The following NCOR1 variants were observed in gnomAD, a reference collection of about 807,000 sequenced individuals.
NCOR1 encodes the protein protein phosphatase 1, regulatory subunit 109.
Under a neutral mutation model 288.1 loss-of-function variants are expected in NCOR1, and 63 were observed. The ratio of observed to expected loss-of-function variants is 0.22; its 90% confidence interval spans 0.18 to 0.27. NCOR1 has a LOEUF of 0.27. Among genes scored for constraint, NCOR1 ranks in the 10% least tolerant of loss-of-function variants. The pLI, the probability that NCOR1 is intolerant of heterozygous loss-of-function variation, is 1.00. For synonymous variants in NCOR1, 1,007 were observed against 1,065.9 expected, an observed-to-expected ratio of 0.94 and a Z score of 1.08; for missense variants, 2,397 against 3,019.2, an observed-to-expected ratio of 0.79 and a Z score of 4.83.
chr17:16,064,928 A>C lies in NCOR1; in HGVS notation c.5043T>G (p.Ile1681Met). The C allele has an allele frequency of 6.2e-7, 1 of 1,613,996 alleles. No homozygotes were observed. Among genetic ancestry groups the C allele is most frequent in the Non-Finnish European group, 8.5e-7 (1 of 1,179,892 alleles). ...STPPMDRITY[I>M]PGTQITFPPR... ...GAGGGAAAGTAATCTGTGTACCAGG[A>C]ATATAAGTGATTCTGTCCATGGGAG... is the stretch of plus-strand genomic sequence containing the variant. The change falls in exon 34 of 46, where the codon ATT (isoleucine) becomes ATG (methionine). Residue 1681 changes from isoleucine to methionine, a missense_variant. Coordinates refer to ENST00000268712, the MANE Select transcript of NCOR1 (RefSeq NM_006311.4).
At chr17:16,079,080 G>C (rs2062980780) in intron 26 of NCOR1, among the ~76,000 whole-genome samples, 1 of 152,098 alleles carries the variant, frequency 6.6e-6, no homozygotes, top group Non-Finnish European at 1.5e-5. Context: ...CAATGCTCTG[G>C]TGCACAAACC....
At chr17:16,091,027 C>G (rs2094517757) in intron 22 of NCOR1, among the ~76,000 whole-genome samples, 1 of 152,108 alleles carries the variant, frequency 6.6e-6, no homozygotes, top group African/African-American at 2.4e-5. Flanking sequence ...TTCTTCTAAC[C>G]ATGTCAGAAG....
intron 42 of NCOR1, among the ~76,000 whole-genome samples, chr17:16,042,986 G>C (rs1278389585): frequency 6.6e-6 from 1 of 152,108 alleles, no homozygotes; most frequent in Admixed American, 6.6e-5. Flanking sequence ...TGAGGAGAAA[G>C]GGGCTAAGAA....
chr17:16,073,767 G>C (rs1303185103), intron 27 of NCOR1, among the ~76,000 whole-genome samples, 198 bp from the exon 28 acceptor site: 1 of 152,162 alleles, frequency 6.6e-6, no homozygotes, highest in Non-Finnish European at 1.5e-5. Flanking sequence ...CTGTGTGCTA[G>C]GCATAAGCTA....
intron 36 of NCOR1, 96 bp downstream of exon 36, chr17:16,062,009 C>A: frequency 6.3e-7 from 1 of 1,575,306 alleles, no homozygotes; most frequent in Non-Finnish European, 8.6e-7. Flanking sequence ...ATGGCATGGG[C>A]AGAAAAGCAT....
chr17:16,131,140 C>T (rs554035164), intron 14 of NCOR1, among the ~76,000 whole-genome samples: 12 of 151,832 alleles, frequency 7.9e-5, no homozygotes, highest in South Asian at 2.1e-4. Context: ...CTACAGTGCA[C>T]GCCACTGTGC....
chr17:16,087,471 G>T, intron 22 of NCOR1: 1 of 403,906 alleles, frequency 2.5e-6, no homozygotes, highest in Non-Finnish European at 4.1e-6. Context: ...AACTCCTGGG[G>T]GCAAAATTCA....
At chr17:16,162,188 A>G (rs1218829329) in intron 5 of NCOR1, among the ~76,000 whole-genome samples, 1 of 152,124 alleles carries the variant, frequency 6.6e-6, no homozygotes, top group East Asian at 1.9e-4. Flanking sequence ...GACAGATTTG[A>G]CAGCAGATTA....
chr17:16,062,335 A>G, intron 35 of NCOR1, 65 bp from the exon 36 acceptor site: 3 of 1,448,574 alleles, frequency 2.1e-6, no homozygotes, highest in African/African-American at 2.9e-5. Flanking sequence ...AAAGGAAGCA[A>G]TGCTTATGGA....
intron 11 of NCOR1, among the ~76,000 whole-genome samples, chr17:16,142,316 A>G (rs1008755680): frequency 1.3e-5 from 2 of 152,226 alleles, no homozygotes; most frequent in Non-Finnish European, 2.9e-5. Flanking sequence ...TATTAACTGT[A>G]TATTTAAGTC....
chr17:16,137,484 C>T lies in NCOR1; in HGVS notation c.1408-72G>A, dbSNP rs553515505. On this transcript the variant is annotated intron_variant, in intron 13 of 45. Transcript: ENST00000268712. ...AAATTTTTTAATTAAATATTACTTC[C>T]AAGGAAAATCTCTGGTATTCTGAAA... 10 of 752,036 alleles carry T rather than the reference C, an allele frequency of 1.3e-5. No individual in the cohort carries two copies. In the East Asian group the frequency reaches 2.4e-4, roughly 18 times the overall value. The allele number at this position is 752,036 out of a possible 1,614,324, so 46.6% of individuals were successfully genotyped here. A position where few individuals can be genotyped will look rare whatever the true frequency, so the allele number is the denominator to read the frequency against.
intron 19 of NCOR1, among the ~76,000 whole-genome samples, chr17:16,107,693 GACA>G (rs2069073644): frequency 6.6e-6 from 1 of 152,086 alleles, no homozygotes; most frequent in Admixed American, 6.6e-5. Flanking sequence ...AAGAGACTCT[GACA>G]ACCTCTCTAG....
chr17:16,128,231 A>G (rs920042969), intron 14 of NCOR1, among the ~76,000 whole-genome samples: 1 of 152,174 alleles, frequency 6.6e-6, no homozygotes, highest in Admixed American at 6.5e-5. Context: ...TCACCTAAAC[A>G]TGCCCAGCAC....
chr17:16,159,413 C>CAAAAAAAAAA (rs35243097), intron 5 of NCOR1, among the ~76,000 whole-genome samples: 2 of 66,328 alleles, frequency 3.0e-5, no homozygotes, highest in South Asian at 6.0e-4. Flanking sequence ...AACTCTATCT[C>CAAAAAAAAAA]AAAAAAAAAA....
intron 9 of NCOR1, among the ~76,000 whole-genome samples, chr17:16,146,974 C>T (rs775698098): frequency 1.1e-4 from 17 of 152,088 alleles, no homozygotes; most frequent in Non-Finnish European, 2.5e-4. Flanking sequence ...TTCCAATCTG[C>T]GAAACAAAAC....
At chr17:16,078,484 GAAT>G (rs1166801735) in intron 26 of NCOR1, among the ~76,000 whole-genome samples, 1 of 152,102 alleles carries the variant, frequency 6.6e-6, no homozygotes, top group South Asian at 2.1e-4. Context: ...TGAAGAGAAA[GAAT>G]AATACATACA....
intron 22 of NCOR1, chr17:16,087,136 T>C: frequency 7.8e-7 from 1 of 1,289,220 alleles, no homozygotes; most frequent in Non-Finnish European, 1.0e-6. Context: ...TGTGGGTGGA[T>C]GGCCAGCAGC....
At chr17:16,204,274 T>C (rs199878441) in intron 1 of NCOR1, among the ~76,000 whole-genome samples, 1 of 152,160 alleles carries the variant, frequency 6.6e-6, no homozygotes, top group Non-Finnish European at 1.5e-5. Flanking sequence ...AACTAGCTAG[T>C]TAGGGTAGAA....
intron 1 of NCOR1, among the ~76,000 whole-genome samples, chr17:16,207,942 T>C (rs574169401): frequency 1.3e-5 from 2 of 151,680 alleles, no homozygotes; most frequent in South Asian, 4.2e-4. Context: ...CTAATCTACT[T>C]AATTTTTTAT....
Sources: gnomAD v4.1 joint callset for allele counts (sites outside exome capture counted in the v4.1 genomes callset) on GRCh38, gnomAD v4.1.1 for gene constraint, MANE v1.5 for transcripts, NCBI Gene and HGNC (gene_info 2026-07-23, HGNC 2026-07-21) for gene names.